DMD: variants seen among roughly 807,000 people sequenced by gnomAD.
DMD encodes mutant dystrophin.
In DMD, 63 loss-of-function variants were observed where a neutral mutation model predicts 330.1. That is an observed-to-expected ratio of 0.19 (90% CI 0.16 to 0.24). DMD has a LOEUF of 0.24. DMD is among the 10% of genes least tolerant of loss of function. The probability of loss-of-function intolerance (pLI) is 1.00; values close to 1 mark genes in which losing one functional copy is unlikely to be tolerated. For missense variants in DMD, 3,344 were observed against 2,684.1 expected (o/e 1.25, Z -5.43); for synonymous variants, 1,223 against 959.8 (o/e 1.27, Z -5.07).
At chrX:32,886,533 G>A (rs751146826) in intron 2 of DMD, among the ~76,000 whole-genome samples, 16 of 109,105 alleles carry the variant, frequency 1.5e-4, no homozygotes, top group East Asian at 1.2e-3. Flanking sequence ...AATACAAAAA[G>A]TTAGCCAGGC....
chrX:31,881,479 C>T (rs886801920), intron 47 of DMD, among the ~76,000 whole-genome samples: 15 of 111,168 alleles, frequency 1.3e-4, no homozygotes, highest in African/African-American at 3.9e-4. Flanking sequence ...TGTATGGTAC[C>T]GTACAATAAT....
At chrX:32,536,264 C>CAAAAAAAAAAAAAAAAAA (rs1191335690) in intron 17 of DMD, among the ~76,000 whole-genome samples, 1 of 36,378 alleles carries the variant, frequency 2.7e-5, no homozygotes, top group African/African-American at 1.2e-4. Flanking sequence ...ACTCCGTCTC[C>CAAAAAAAAAAAAAAAAAA]AAAAAAAAAA....
At chrX:32,613,678 G>A (rs1477411471) in intron 12 of DMD, among the ~76,000 whole-genome samples, 1 of 109,967 alleles carries the variant, frequency 9.1e-6, no homozygotes, top group Non-Finnish European at 1.9e-5. Context: ...TAATCCCTAT[G>A]AAGTCTGTCT....
At chrX:32,913,218 C>T (rs1234665269) in intron 2 of DMD, among the ~76,000 whole-genome samples, 2 of 111,453 alleles carry the variant, frequency 1.8e-5, no homozygotes, top group Non-Finnish European at 3.8e-5. Flanking sequence ...TTATATATAT[C>T]GTTGTCAGTC....
At chrX:31,253,491 G>A (rs1173531494) in intron 63 of DMD, among the ~76,000 whole-genome samples, 4 of 111,699 alleles carry the variant, frequency 3.6e-5, no homozygotes, top group Admixed American at 2.8e-4. Flanking sequence ...ATCCTCAGGA[G>A]GGAATACTTA....
At chrX:31,398,889 G>A (rs972039032) in intron 60 of DMD, among the ~76,000 whole-genome samples, 11 of 111,668 alleles carry the variant, frequency 9.9e-5, no homozygotes, top group Non-Finnish European at 1.3e-4. Flanking sequence ...CCACTCACTC[G>A]CTGGTCCACC....
chrX:32,936,415 T>C (rs1053653618), intron 2 of DMD, among the ~76,000 whole-genome samples: 12 of 111,990 alleles, frequency 1.1e-4, no homozygotes, highest in Admixed American at 7.6e-4. Context: ...CCCAGCTTAC[T>C]TGTATCTCTT....
rs201516290 is a variant in DMD, at chrX:32,362,843, A to G, written c.5270T>C (p.Ile1757Thr). 62 of 1,208,773 alleles carry G rather than the reference A, an allele frequency of 5.1e-5. No homozygotes were observed. The highest frequency in any genetic ancestry group is 6.5e-5 in the Non-Finnish European group (58 of 894,994). Residue 1757 changes from isoleucine to threonine, a missense_variant, in exon 37 of 79, where the codon ATC becomes ACC. Physicochemically the swap from Ile to Thr is moderately conservative, Grantham distance 89. Coordinates refer to ENST00000357033, the MANE Select transcript of DMD (RefSeq NM_004006.3). ...TGCAAATCGATGGTTGAGCTCTGAG[A>G]TTTGGGGCTCTACTAATTTCCTGCA... Reference protein sequence around the residue: ...DHCRKLVEPQISELNHRFAAI... With the variant: ...DHCRKLVEPQTSELNHRFAAI...
intron 64 of DMD, among the ~76,000 whole-genome samples, chrX:31,220,896 A>ATTTTTTTT (rs61226425): frequency 5.7e-5 from 2 of 34,825 alleles, no homozygotes; most frequent in Non-Finnish European, 9.3e-5. Flanking sequence ...TTTTTTTGCG[A>ATTTTTTTT]TTTTTTTTTT....
intron 17 of DMD, among the ~76,000 whole-genome samples, chrX:32,534,138 C>A (rs2047730195): frequency 8.9e-6 from 1 of 112,010 alleles, no homozygotes; most frequent in South Asian, 3.7e-4. Context: ...GTGGCTTAAC[C>A]AACAGCCACT....
intron 44 of DMD, among the ~76,000 whole-genome samples, chrX:32,003,624 A>G (rs995215413): frequency 1.8e-5 from 2 of 111,662 alleles, no homozygotes; most frequent in Non-Finnish European, 3.8e-5. Context: ...TAACTAAATC[A>G]TTTTGTGAGG....
At chrX:32,528,036 T>C (rs2047081155) in intron 17 of DMD, among the ~76,000 whole-genome samples, 1 of 112,259 alleles carries the variant, frequency 8.9e-6, no homozygotes, top group African/African-American at 3.2e-5. Context: ...GGGCCAGGCG[T>C]GGCGGCTCAT....
intron 1 of DMD, among the ~76,000 whole-genome samples, chrX:33,107,768 CA>C (rs1053466470): frequency 9.0e-6 from 1 of 111,043 alleles, no homozygotes; most frequent in Non-Finnish European, 1.9e-5. Flanking sequence ...ATTCATTCAG[CA>C]AAAAAATAGA....
At chrX:31,765,671 C>G (rs1188511895) in intron 51 of DMD, among the ~76,000 whole-genome samples, 1 of 111,631 alleles carries the variant, frequency 9.0e-6, no homozygotes, top group Non-Finnish European at 1.9e-5. Flanking sequence ...ATCACTTTAA[C>G]ATAAGTAACC....
At chrX:32,105,770 C>T (rs1051464645) in intron 44 of DMD, among the ~76,000 whole-genome samples, 2 of 111,499 alleles carry the variant, frequency 1.8e-5, no homozygotes, top group South Asian at 3.7e-4. Context: ...ATAAAAGGAT[C>T]GTGTACAACA....
intron 51 of DMD, among the ~76,000 whole-genome samples, chrX:31,757,280 T>C (rs1569354998): frequency 9.0e-6 from 1 of 111,630 alleles, no homozygotes; most frequent in African/African-American, 3.3e-5. Context: ...CCACTAAATT[T>C]TGGGCAATTT....
chrX:31,781,440 T>A (rs1193113864), intron 50 of DMD, among the ~76,000 whole-genome samples: 1 of 112,231 alleles, frequency 8.9e-6, no homozygotes, highest in Non-Finnish European at 1.9e-5. Context: ...CATTTTAATT[T>A]GGGAGAGAAG....
intron 1 of DMD, among the ~76,000 whole-genome samples, chrX:33,096,538 T>C (rs1363221002): frequency 9.4e-6 from 1 of 106,193 alleles, no homozygotes; most frequent in African/African-American, 3.4e-5. Flanking sequence ...AGAGTTTTGC[T>C]CTTGTCACCC....
intron 53 of DMD, among the ~76,000 whole-genome samples, chrX:31,666,636 C>A (rs1014970329): frequency 8.9e-6 from 1 of 111,973 alleles, no homozygotes; most frequent in Admixed American, 9.5e-5. Context: ...AGAACAGGTT[C>A]TCTTATTAAT....
Sources: allele counts gnomAD v4.1 joint callset (sites outside exome capture counted in the v4.1 genomes callset), GRCh38; gene constraint gnomAD v4.1.1; transcripts MANE v1.5; gene names NCBI Gene and HGNC (gene_info 2026-07-23, HGNC 2026-07-21).